The following COA6 variants were observed in gnomAD, a reference collection of about 807,000 sequenced individuals.
The protein encoded by COA6 is cytochrome c oxidase assembly factor 6, also known as cytochrome c oxidase assembly factor 6 homolog.
COA6 carries 12 observed loss-of-function variants against 17.1 expected under a neutral mutation model. That is an observed-to-expected ratio of 0.70 (90% CI 0.45 to 1.14). The LOEUF (loss-of-function observed/expected upper bound fraction) is 1.14, where lower values mean the gene tolerates loss of function less well. Among genes scored for constraint, COA6 ranks in the 50% most tolerant of loss-of-function variants. COA6 has a pLI of 0.00. For synonymous variants in COA6, 90 were observed against 73.4 expected (o/e 1.23, Z -1.16); for missense variants, 246 against 196.5 (o/e 1.25, Z -1.51).
chr1:234,373,532 G>T lies in COA6; in HGVS notation c.66G>T (p.Gly22=), dbSNP rs747926207. Residue 22 remains glycine (G), a synonymous_variant, in exon 1 of 3, where the codon GGG becomes GGT. Coordinates refer to ENST00000366615, the MANE Select transcript of COA6 (RefSeq NM_001206641.3). ...GCGTGAGTTGCTTTTTGCGGCTGGG[G>T]AGGTCTACGCTTCTAGAGCTTGAGC... The part of the protein sequence containing the change: ...FRRVSCFLRL[G]RSTLLELEPA... The T allele has an allele frequency of 9.3e-6, 15 of 1,609,426 alleles. No individual in the cohort carries two copies. Among genetic ancestry groups the T allele is most frequent in the African/African-American group, 1.3e-5 (1 of 74,868 alleles).
rs1220901705 is a variant in COA6 at position 234,374,252 on chromosome 1, G to GC, written c.239dup (p.Ser81IlefsTer14). ...CAGCTTCATCGCAGTAGGAATGGCA[G>GC]CCCCATCTATGAAGGAAAGACAGGT... On this transcript the variant is annotated frameshift_variant, in exon 2 of 3. Transcript: ENST00000366615. LOFTEE classifies it high-confidence loss of function. 3 of 1,612,980 alleles carry GC rather than the reference G, an allele frequency of 1.9e-6. No individual in the cohort carries two copies. The highest frequency in any genetic ancestry group is 2.5e-6 in the Non-Finnish European group (3 of 1,179,794).
chr1:234,383,250 A>G (rs1659030673), intron 2 of COA6, among the ~76,000 whole-genome samples: 1 of 152,098 alleles, frequency 6.6e-6, no homozygotes. Flanking sequence ...TATGGTCTGT[A>G]ATCCAAAAAG....
intron 2 of COA6, among the ~76,000 whole-genome samples, chr1:234,375,470 A>T (rs114693761): frequency 0.012 from 1,816 of 152,288 alleles, 34 homozygotes; most frequent in African/African-American, 0.042. Flanking sequence ...TGCTGCTGCA[A>T]AATATACCAT....
Position 234,374,366 on chromosome 1 carries a change from G to T in COA6, c.349G>T (p.Glu117Ter), listed in dbSNP as rs146440690. The T allele has an allele frequency of 5.0e-5, 80 of 1,613,840 alleles. No individual in the cohort carries two copies. Among genetic ancestry groups the T allele is most frequent in the Non-Finnish European group, 6.7e-5 (79 of 1,179,996 alleles). Reference protein sequence around the residue: ...SQCKKLRSSFESSCPQQWIKY... With the variant: ...SQCKKLRSSF ...ATGCAAGAAGTTAAGAAGCTCTTTCGAATCAAGTTGTCCCCAACAGTGGGT... is the reference window on the plus strand; with the variant it reads ...ATGCAAGAAGTTAAGAAGCTCTTTCTAATCAAGTTGTCCCCAACAGTGGGT... The change falls in exon 2 of 3, where the codon GAA becomes TAA. Residue 117 changes from glutamate (E) to a stop codon, truncating the protein, a stop_gained. Coordinates refer to ENST00000366615, the MANE Select transcript of COA6 (RefSeq NM_001206641.3). LOFTEE classifies it high-confidence loss of function.
Position 234,373,494 on chromosome 1 carries a change from CCGCGGTTT to C in COA6, c.32_39del (p.Arg11ProfsTer17), listed in dbSNP as rs1314162892. 1 of 1,588,808 alleles carries C rather than the reference CCGCGGTTT, an allele frequency of 6.3e-7. No individual in the cohort carries two copies. The highest frequency in any genetic ancestry group is 8.6e-7 in the Non-Finnish European group (1 of 1,167,968). On this transcript the variant is annotated frameshift_variant, in exon 1 of 3. Transcript: ENST00000366615. LOFTEE classifies it high-confidence loss of function. Reference sequence around the variant, plus strand: ...GGTAGCTCGGAAGGGTCAAAAGAGTCCGCGGTTTCGCCGCGTGAGTTGCTTTTTGCGGC... The same window carrying C: ...GGTAGCTCGGAAGGGTCAAAAGAGTCCGCCGCGTGAGTTGCTTTTTGCGGC...
At chr1:234,381,858 C>A (rs898852588) in intron 2 of COA6, among the ~76,000 whole-genome samples, 8 of 152,196 alleles carry the variant, frequency 5.3e-5, no homozygotes, top group African/African-American at 1.9e-4. Flanking sequence ...ATCAGTAGGA[C>A]CTCTAAATGG....
intron 1 of COA6, 106 bp downstream of exon 1, chr1:234,373,784 C>T: frequency 6.2e-7 from 1 of 1,613,770 alleles, no homozygotes; most frequent in Non-Finnish European, 8.5e-7. Flanking sequence ...CGGGGTGGCA[C>T]TCCAATCGCC....
chr1:234,375,118 T>C (rs1658753527), intron 2 of COA6, among the ~76,000 whole-genome samples: 1 of 130,052 alleles, frequency 7.7e-6, no homozygotes, highest in Non-Finnish European at 1.6e-5. Context: ...TGAAACCCCA[T>C]CTCTACTAAA....
chr1:234,381,729 G>A (rs1347970493), intron 2 of COA6, among the ~76,000 whole-genome samples: 1 of 152,180 alleles, frequency 6.6e-6, no homozygotes, highest in African/African-American at 2.4e-5. Flanking sequence ...TGCTGTGGCA[G>A]TGAAGAAGGG....
intron 1 of COA6, 65 bp downstream of exon 1, chr1:234,373,743 T>C: frequency 6.2e-7 from 1 of 1,613,664 alleles, no homozygotes; most frequent in Non-Finnish European, 8.5e-7. Context: ...TCCCTTACTG[T>C]CCCCGAGCCG....
chr1:234,380,872 C>T (rs1001023221), intron 2 of COA6, among the ~76,000 whole-genome samples: 3 of 152,158 alleles, frequency 2.0e-5, no homozygotes, highest in African/African-American at 4.8e-5. Flanking sequence ...CGGTGGCACG[C>T]GCCTGTAGTC....
chr1:234,376,089 G>T (rs544426094), intron 2 of COA6, among the ~76,000 whole-genome samples: 1 of 152,308 alleles, frequency 6.6e-6, no homozygotes, highest in Admixed American at 6.5e-5. Flanking sequence ...CTCTATGATT[G>T]AATTAGATAA....
rs1203263817 is a variant in COA6 at position 234,373,535 on chromosome 1, G to A, written c.69G>A (p.Arg23=). ...TGAGTTGCTTTTTGCGGCTGGGGAG[G>A]TCTACGCTTCTAGAGCTTGAGCCAG... ...RRVSCFLRLG[R]STLLELEPAG... is the part of the protein sequence containing the mutation. Residue 23 remains arginine (R), a synonymous_variant, in exon 1 of 3, where the codon AGG becomes AGA. Coordinates refer to ENST00000366615, the MANE Select transcript of COA6 (RefSeq NM_001206641.3). 3.1e-6 allele frequency: 5 copies of A among 1,610,250 alleles called. No individual in the cohort carries two copies. The East Asian group carries it at 8.9e-5, about 29-fold the overall frequency.
At chr1:234,378,683 G>A (rs975253428) in intron 2 of COA6, among the ~76,000 whole-genome samples, 6 of 152,074 alleles carry the variant, frequency 3.9e-5, no homozygotes, top group African/African-American at 1.4e-4. Context: ...GACCAGCCTG[G>A]CCAACATGGC....
At position 234,373,836 on chromosome 1, in the gene COA6, C is replaced by T. The variant is rs1235208934; in HGVS notation, c.212+158C>T. On this transcript the variant is annotated intron_variant, in intron 1 of 2. Coordinates refer to ENST00000366615, the MANE Select transcript of COA6 (RefSeq NM_001206641.3). ...CCCCCACACACCTGTTTCTACAGCG[C>T]TTAGGTTCGAACAGTAACCCTGTAA... 2.5e-6 allele frequency: 4 copies of T among 1,613,304 alleles called. No homozygotes were observed. The East Asian group carries it at 6.7e-5, about 27-fold the overall frequency.
At chr1:234,375,402 C>T (rs769052771) in intron 2 of COA6, among the ~76,000 whole-genome samples, 10 of 152,314 alleles carry the variant, frequency 6.6e-5, no homozygotes, top group Middle Eastern at 6.8e-3. Context: ...TTAAGGCAGG[C>T]CTAACTGGCT....
At chr1:234,373,980 G>T in intron 1 of COA6, 1 of 1,124,680 alleles carries the variant, frequency 8.9e-7, no homozygotes. Context: ...AGCCCACGCT[G>T]CCGCCCCAGC....
intron 2 of COA6, among the ~76,000 whole-genome samples, chr1:234,382,909 A>C (rs1319676210): frequency 6.6e-6 from 1 of 152,060 alleles, no homozygotes; most frequent in Non-Finnish European, 1.5e-5. Context: ...TGGGAGGCTG[A>C]GGCCAGAGAA....
At chr1:234,383,036 AAGGGAGGGAGGGAGGG>A (rs770161579) in intron 2 of COA6, among the ~76,000 whole-genome samples, 1 of 49,360 alleles carries the variant, frequency 2.0e-5, no homozygotes, top group Non-Finnish European at 3.7e-5. Context: ...AGAGAGAAGG[AAGGGAGGGAGGGAGGG>A]AGGGAGGGAG....
Sources: gnomAD v4.1 joint callset for allele counts (sites outside exome capture counted in the v4.1 genomes callset) on GRCh38, gnomAD v4.1.1 for gene constraint, MANE v1.5 for transcripts, NCBI Gene and HGNC (gene_info 2026-07-23, HGNC 2026-07-21) for gene names.